LRRK2: variants seen among roughly 807,000 people sequenced by gnomAD.
LRRK2 encodes the protein leucine rich repeat kinase 2, also known as leucine-rich repeat serine/threonine-protein kinase 2.
Under a neutral mutation model 302.6 loss-of-function variants are expected in LRRK2, and 203 were observed. The ratio of observed to expected loss-of-function variants is 0.67; its 90% confidence interval spans 0.60 to 0.75. The LOEUF (loss-of-function observed/expected upper bound fraction) is 0.75, where lower values mean the gene tolerates loss of function less well. Ranked by LOEUF, LRRK2 falls within the 30% of genes least tolerant of loss-of-function variation. The probability of loss-of-function intolerance (pLI) is 0.00; values close to 1 mark genes in which losing one functional copy is unlikely to be tolerated. For synonymous variants in LRRK2, 1,066 were observed against 1,031.9 expected (o/e 1.03, Z -0.63); for missense variants, 2,830 against 2,951.0 (o/e 0.96, Z 0.95).
chr12:40,279,276 A>G (rs1214907332), intron 18 of LRRK2, among the ~76,000 whole-genome samples: 1 of 149,586 alleles, frequency 6.7e-6, no homozygotes, highest in Non-Finnish European at 1.5e-5. Context: ...CCACTTGCCT[A>G]TGGATTGAAA....
chr12:40,243,260 C>T (rs1052161690), intron 6 of LRRK2, among the ~76,000 whole-genome samples: 1 of 151,256 alleles, frequency 6.6e-6, no homozygotes, highest in Non-Finnish European at 1.5e-5. Context: ...CTTTCATTTT[C>T]AGTACTAAAA....
intron 7 of LRRK2, 72 bp downstream of exon 7, chr12:40,243,753 C>A (rs1941849712): frequency 7.5e-7 from 1 of 1,339,212 alleles, no homozygotes; most frequent in South Asian, 1.2e-5. Flanking sequence ...ATATATGTTG[C>A]ATAATAATGG....
Position 40,356,202 on chromosome 12 carries a change from C to T in LRRK2, c.6843+15C>T. ...AGACTGTTAAGGTAAATGTTGAATG[C>T]ATTCTACATCTAAATTTATTTTAAG... On this transcript the variant is annotated intron_variant, in intron 46 of 50. Coordinates refer to ENST00000298910, the MANE Select transcript of LRRK2 (RefSeq NM_198578.4). 6.4e-7 allele frequency: 1 copy of T among 1,567,048 alleles called. No individual in the cohort carries two copies. The highest frequency in any genetic ancestry group is 8.8e-7 in the Non-Finnish European group (1 of 1,142,072).
intron 21 of LRRK2, among the ~76,000 whole-genome samples, chr12:40,294,571 A>G (rs1010209981): frequency 2.6e-5 from 4 of 152,068 alleles, no homozygotes; most frequent in Non-Finnish European, 5.9e-5. Context: ...ATGAGAAATT[A>G]TATGGATATA....
chr12:40,366,062 A>T (rs961147914), intron 49 of LRRK2: 10 of 151,844 alleles, frequency 6.6e-5, no homozygotes, highest in African/African-American at 2.4e-4. Flanking sequence ...TTATAGTTTG[A>T]TTTTAAAATA....
intron 16 of LRRK2, among the ~76,000 whole-genome samples, chr12:40,276,642 G>C (rs919172438): frequency 6.6e-6 from 1 of 152,124 alleles, no homozygotes; most frequent in Non-Finnish European, 1.5e-5. Context: ...CGTACTTTCT[G>C]CACATTTGCA....
intron 20 of LRRK2, among the ~76,000 whole-genome samples, chr12:40,292,857 G>C (rs1320832941): frequency 2.6e-5 from 4 of 151,534 alleles, no homozygotes. Context: ...TTATTATTTT[G>C]AAAGTACTGC....
intron 41 of LRRK2, among the ~76,000 whole-genome samples, chr12:40,343,956 TTCATGCTAGAGA>T (rs1946121001): frequency 6.6e-6 from 1 of 152,184 alleles, no homozygotes; most frequent in African/African-American, 2.4e-5. Context: ...ATATTATGTT[TTCATGCTAGAGA>T]TCATGCCAAT....
intron 6 of LRRK2, among the ~76,000 whole-genome samples, chr12:40,241,153 C>A (rs1941703319): frequency 6.6e-6 from 1 of 152,186 alleles, no homozygotes; most frequent in South Asian, 2.1e-4. Context: ...AGTGTGCGTG[C>A]ATGCATGCGT....
rs1176504813 is a variant in LRRK2, at chr12:40,282,008, C to T, written c.2242-1867C>T. ...ATTTGTGAGTTTTTCCCTCCCTCCCCGCTTCCCTTCCCTTCCCTTCCCTTC... is the reference window on the plus strand; with the variant it reads ...ATTTGTGAGTTTTTCCCTCCCTCCCTGCTTCCCTTCCCTTCCCTTCCCTTC... On this transcript the variant is annotated intron_variant, in intron 18 of 50. Coordinates refer to ENST00000298910, the MANE Select transcript of LRRK2 (RefSeq NM_198578.4). Among the ~76,000 whole-genome samples the T allele has an allele frequency of 1.0e-4, 14 of 135,922 alleles. No homozygotes were observed. In the East Asian group the frequency reaches 2.5e-3, roughly 24 times the overall value. 89.2% of individuals were successfully genotyped at this position (135,922 alleles called of 152,430 possible).
chr12:40,351,026 G>A (rs955931969), intron 43 of LRRK2, among the ~76,000 whole-genome samples: 3 of 152,158 alleles, frequency 2.0e-5, no homozygotes, highest in Non-Finnish European at 2.9e-5. Flanking sequence ...CCATGTCACA[G>A]CTCTAATCCC....
At chr12:40,253,161 C>T (rs550162202) in intron 11 of LRRK2, 145 bp downstream of exon 11, 1 of 592,200 alleles carries the variant, frequency 1.7e-6, no homozygotes, top group East Asian at 2.9e-5. Flanking sequence ...GATGTATTGA[C>T]ATATGGATTA....
Position 40,340,603 on chromosome 12 carries a change from T to C in LRRK2, c.6109+149T>C, listed in dbSNP as rs1281241699. ...GTGAAAAAATGCAAGCATCACATTG[T>C]GATTTTTATCATTGTATTTTGTAGG... On this transcript the variant is annotated intron_variant, in intron 41 of 50. Transcript: ENST00000298910. 4.8e-6 allele frequency: 4 copies of C among 837,062 alleles called. No homozygotes were observed. In the Admixed American group the frequency reaches 6.1e-5, roughly 13 times the overall value. 51.9% of individuals were successfully genotyped at this position (837,062 alleles called of 1,614,324 possible).
intron 7 of LRRK2, among the ~76,000 whole-genome samples, chr12:40,249,237 G>A (rs1942146697): frequency 6.6e-6 from 1 of 151,940 alleles, no homozygotes; most frequent in African/African-American, 2.4e-5. Flanking sequence ...TAGACTCTTG[G>A]ATATCATATT....
chr12:40,334,361 G>A (rs892874996), intron 39 of LRRK2, among the ~76,000 whole-genome samples: 19 of 152,238 alleles, frequency 1.2e-4, no homozygotes, highest in Admixed American at 7.8e-4. Context: ...AAACATAAAG[G>A]TTGGGGTGCT....
intron 45 of LRRK2, among the ~76,000 whole-genome samples, chr12:40,355,431 G>A (rs1256420410): frequency 6.6e-6 from 1 of 151,868 alleles, no homozygotes; most frequent in Non-Finnish European, 1.5e-5. Context: ...GGCCATCTGT[G>A]TTTGCTAATT....
intron 33 of LRRK2, among the ~76,000 whole-genome samples, chr12:40,318,773 A>C (rs2114569): frequency 0.57 from 86,054 of 151,830 alleles, 24,521 homozygotes; most frequent in South Asian, 0.7. Flanking sequence ...CTTAAAAAAC[A>C]CTAAAACAGC....
At chr12:40,356,481 A>G (rs1487028747) in intron 46 of LRRK2, among the ~76,000 whole-genome samples, 6 of 96,910 alleles carry the variant, frequency 6.2e-5, no homozygotes, top group Admixed American at 1.1e-4. Flanking sequence ...AATTCCTTAT[A>G]AATATATTGT....
rs1417032524 is a variant in LRRK2 at position 40,251,586 on chromosome 12, A to G, written c.1181+42A>G. 4.1e-6 allele frequency: 6 copies of G among 1,473,662 alleles called. No individual in the cohort carries two copies. In the South Asian group the frequency reaches 7.1e-5, roughly 17 times the overall value. The allele number at this position is 1,473,662 out of a possible 1,614,324, so 91.3% of individuals were successfully genotyped here. ...TTATATGATAGAAAATTTCAGTTAT[A>G]TTTTAAATCAATACCTATAAAATAC... On this transcript the variant is annotated intron_variant, in intron 10 of 50. Transcript: ENST00000298910.
Sources: gnomAD v4.1 joint callset for allele counts (sites outside exome capture counted in the v4.1 genomes callset) on GRCh38, gnomAD v4.1.1 for gene constraint, MANE v1.5 for transcripts, NCBI Gene and HGNC (gene_info 2026-07-23, HGNC 2026-07-21) for gene names.